CHODL: variants seen among roughly 807,000 people sequenced by gnomAD.
CHODL encodes the protein chondrolectin, also known as transmembrane protein MT75.
CHODL carries 29 observed loss-of-function variants against 34.5 expected under a neutral mutation model. That is an observed-to-expected ratio of 0.84 (90% CI 0.63 to 1.15). The LOEUF (loss-of-function observed/expected upper bound fraction) is 1.15, where lower values mean the gene tolerates loss of function less well. Ranked by LOEUF, CHODL falls within the 50% of genes most tolerant of loss-of-function variation. CHODL has a pLI of 0.00. For missense variants in CHODL, 332 were observed against 332.5 expected, an observed-to-expected ratio of 1.00 and a Z score of 0.01; for synonymous variants, 125 against 116.1, an observed-to-expected ratio of 1.08 and a Z score of -0.49.
At chr21:18,188,027 C>T (rs888058403) in intron 2 of CHODL, among the ~76,000 whole-genome samples, 1 of 152,226 alleles carries the variant, frequency 6.6e-6, no homozygotes, top group African/African-American at 2.4e-5. Context: ...TTATGCTTGT[C>T]TAGGTTGCCT....
rs1186619754 is a variant in CHODL, at chr21:18,267,000, A to AGAT, written c.*963_*965dup. The AGAT allele has an allele frequency of 1.3e-5, 2 of 152,142 alleles. No individual in the cohort carries two copies. Among genetic ancestry groups the AGAT allele is most frequent in the Non-Finnish European group, 2.9e-5 (2 of 68,082 alleles). 9.4% of individuals were successfully genotyped at this position (152,142 alleles called of 1,614,324 possible). ...GGGGTTTGGGATTGACACTGGAGGC[A>AGAT]GATAGTTGCAAAGTTAGTCTAAGGT... On this transcript the variant is annotated 3_prime_UTR_variant, in exon 6 of 6. Transcript: ENST00000299295.
chr21:17,942,550 T>A (rs1434934258), intron 1 of CHODL, among the ~76,000 whole-genome samples: 1 of 152,050 alleles, frequency 6.6e-6, no homozygotes, highest in Non-Finnish European at 1.5e-5. Flanking sequence ...TATGTCTTTA[T>A]CAGGAGTGTG....
At chr21:17,932,716 T>C (rs2063284257) in intron 1 of CHODL, among the ~76,000 whole-genome samples, 1 of 152,124 alleles carries the variant, frequency 6.6e-6, no homozygotes, top group African/African-American at 2.4e-5. Context: ...GAAAATCAAA[T>C]ACTGAAGGGG....
At chr21:18,062,407 C>T (rs1292877495) in intron 2 of CHODL, among the ~76,000 whole-genome samples, 1 of 151,998 alleles carries the variant, frequency 6.6e-6, no homozygotes, top group Non-Finnish European at 1.5e-5. Flanking sequence ...TGGGGTGTCA[C>T]AAGGTTGGCC....
intron 2 of CHODL, among the ~76,000 whole-genome samples, chr21:18,040,188 A>G (rs1238890832): frequency 6.6e-6 from 1 of 151,882 alleles, no homozygotes; most frequent in Non-Finnish European, 1.5e-5. Context: ...TAGCATGGTC[A>G]TGCAAACTTT....
chr21:18,252,813 C>G lies in CHODL; in HGVS notation c.80-3696C>G, dbSNP rs75793899. Among the ~76,000 whole-genome samples, 1,247 of 152,104 alleles carry G rather than the reference C, an allele frequency of 8.2e-3. 17 individuals carry two copies. The highest frequency in any genetic ancestry group is 0.028 in the African/African-American group (1,178 of 41,488). ...TAGATCTGTTCCAGTTGACGGTGGGCTGCTGTCTTGATGCCCTGAGAGTCT... is the reference window on the plus strand; with the variant it reads ...TAGATCTGTTCCAGTTGACGGTGGGGTGCTGTCTTGATGCCCTGAGAGTCT... On this transcript the variant is annotated intron_variant, in intron 1 of 5. Coordinates refer to ENST00000299295, the MANE Select transcript of CHODL (RefSeq NM_024944.3).
intron 2 of CHODL, among the ~76,000 whole-genome samples, chr21:18,232,941 TG>T (rs1219447883): frequency 1.0e-5 from 1 of 97,608 alleles, no homozygotes; most frequent in South Asian, 3.3e-4. Context: ...CATGATGTTA[TG>T]ATATATATAT....
chr21:18,125,429 T>C (rs2065530140), intron 2 of CHODL, among the ~76,000 whole-genome samples: 1 of 152,104 alleles, frequency 6.6e-6, no homozygotes, highest in Non-Finnish European at 1.5e-5. Flanking sequence ...CAGAGTCAAA[T>C]ATAGAATATA....
At chr21:18,016,067 G>T (rs768479043) in intron 1 of CHODL, among the ~76,000 whole-genome samples, 3 of 152,238 alleles carry the variant, frequency 2.0e-5, no homozygotes, top group African/African-American at 4.8e-5. Flanking sequence ...CAAGGCTGCA[G>T]AAATTTGCAT....
At chr21:18,229,009 G>C (rs1488915811) in intron 2 of CHODL, among the ~76,000 whole-genome samples, 1 of 152,078 alleles carries the variant, frequency 6.6e-6, no homozygotes, top group Non-Finnish European at 1.5e-5. Context: ...AGAATTTCTA[G>C]GTTGAACTCA....
intron 1 of CHODL, among the ~76,000 whole-genome samples, chr21:18,002,137 A>C (rs577969210): frequency 6.6e-6 from 1 of 152,326 alleles, no homozygotes; most frequent in South Asian, 2.1e-4. Flanking sequence ...TGGGCATAAG[A>C]AAAAGGCTGG....
chr21:18,035,815 T>C (rs1473644008), intron 2 of CHODL, among the ~76,000 whole-genome samples: 1 of 152,000 alleles, frequency 6.6e-6, no homozygotes, highest in Non-Finnish European at 1.5e-5. Flanking sequence ...TGTCTCTGCC[T>C]AAAATGCTCA....
At chr21:17,995,315 G>A (rs1444815021) in intron 1 of CHODL, among the ~76,000 whole-genome samples, 1 of 152,170 alleles carries the variant, frequency 6.6e-6, no homozygotes, top group African/African-American at 2.4e-5. Context: ...GGGCCATGGG[G>A]CTCTCCTGTG....
At chr21:18,037,351 A>G (rs158040) in intron 2 of CHODL, among the ~76,000 whole-genome samples, 68,851 of 151,644 alleles carry the variant, frequency 0.45, 16,195 homozygotes, top group Non-Finnish European at 0.51. Flanking sequence ...GACAATGTAA[A>G]TGGAGGAACT....
chr21:18,020,144 G>A (rs1323507493), intron 1 of CHODL, among the ~76,000 whole-genome samples: 2 of 152,030 alleles, frequency 1.3e-5, no homozygotes, highest in Admixed American at 1.3e-4. Flanking sequence ...TTTTGGTTTT[G>A]CCCAAATTTT....
intron 2 of CHODL, among the ~76,000 whole-genome samples, chr21:18,231,795 C>G (rs2073981470): frequency 6.6e-6 from 1 of 151,542 alleles, no homozygotes; most frequent in Admixed American, 6.6e-5. Context: ...GAGACTAGTC[C>G]TACTGTGCTT....
chr21:18,193,912 GTAAATGA>G, intron 2 of CHODL, among the ~76,000 whole-genome samples: 1 of 151,872 alleles, frequency 6.6e-6, no homozygotes. Flanking sequence ...CCCCCCCTTG[GTAAATGA>G]CACCATTATC....
At chr21:17,957,238 GT>G (rs2063499638) in intron 1 of CHODL, among the ~76,000 whole-genome samples, 1 of 152,038 alleles carries the variant, frequency 6.6e-6, no homozygotes, top group Non-Finnish European at 1.5e-5. Context: ...CCACCAACAT[GT>G]TTAGGCCACA....
chr21:18,088,114 A>C (rs2065028900), intron 2 of CHODL, among the ~76,000 whole-genome samples: 1 of 152,172 alleles, frequency 6.6e-6, no homozygotes. Flanking sequence ...CCCCTCCTCC[A>C]ACAGTGATGA....
Sources: gnomAD v4.1 joint callset for allele counts (sites outside exome capture counted in the v4.1 genomes callset) on GRCh38, gnomAD v4.1.1 for gene constraint, MANE v1.5 for transcripts, NCBI Gene and HGNC (gene_info 2026-07-23, HGNC 2026-07-21) for gene names.